Variants in CSMD2 observed in about 807,000 individuals in gnomAD.
CSMD2 encodes CUB and Sushi multiple domains 2, also known as CUB and sushi domain-containing protein 2.
CSMD2 carries 130 observed loss-of-function variants against 398.5 expected under a neutral mutation model. The ratio of observed to expected loss-of-function variants is 0.33; its 90% CI spans 0.28 to 0.38. The LOEUF (loss-of-function observed/expected upper bound fraction) is 0.38, where lower values mean the gene tolerates loss of function less well. Ranked by LOEUF, CSMD2 falls within the 10% of genes least tolerant of loss-of-function variation. The probability of loss-of-function intolerance (pLI) is 1.00; values close to 1 mark genes in which losing one functional copy is unlikely to be tolerated. For missense variants in CSMD2, 3,829 were observed against 4,764.9 expected, an observed-to-expected ratio of 0.80 and a Z score of 5.78; for synonymous variants, 1,828 against 1,908.5, an observed-to-expected ratio of 0.96 and a Z score of 1.10.
chr1:33,952,513 C>T (rs1244560650), intron 3 of CSMD2, among the ~76,000 whole-genome samples: 1 of 152,212 alleles, frequency 6.6e-6, no homozygotes, highest in African/African-American at 2.4e-5. Flanking sequence ...ACATTTAATC[C>T]AACCTCAGCT....
At chr1:34,027,373 T>C (rs985945998) in intron 3 of CSMD2, among the ~76,000 whole-genome samples, 1 of 152,226 alleles carries the variant, frequency 6.6e-6, no homozygotes, top group Non-Finnish European at 1.5e-5. Flanking sequence ...CTTGTAACAC[T>C]GGCAAGGTGG....
At chr1:33,699,948 T>C (rs1420721691) in intron 23 of CSMD2, among the ~76,000 whole-genome samples, 2 of 152,202 alleles carry the variant, frequency 1.3e-5, no homozygotes, top group African/African-American at 4.8e-5. Flanking sequence ...TGAGACTGGA[T>C]TCTTTCACTT....
At chr1:34,027,624 G>C (rs1340138021) in intron 3 of CSMD2, among the ~76,000 whole-genome samples, 2 of 152,190 alleles carry the variant, frequency 1.3e-5, no homozygotes, top group Non-Finnish European at 2.9e-5. Flanking sequence ...TATGGTATAT[G>C]CAAACCACAA....
intron 2 of CSMD2, among the ~76,000 whole-genome samples, chr1:34,066,995 C>T (rs1032360323): frequency 2.0e-5 from 3 of 152,132 alleles, no homozygotes; most frequent in Non-Finnish European, 2.9e-5. Context: ...GTCATGCCCT[C>T]GCAGATTCAT....
chr1:33,790,697 A>ATCATCTATCTG (rs1654157310), intron 11 of CSMD2, among the ~76,000 whole-genome samples: 1 of 130,502 alleles, frequency 7.7e-6, no homozygotes, highest in Non-Finnish European at 1.6e-5. Context: ...CTATCTATCT[A>ATCATCTATCTG]TCTATCATCT....
intron 13 of CSMD2, among the ~76,000 whole-genome samples, chr1:33,768,881 C>A (rs1650900299): frequency 6.6e-6 from 1 of 152,180 alleles, no homozygotes; most frequent in Non-Finnish European, 1.5e-5. Flanking sequence ...ATATACTATA[C>A]ACATTAAGAA....
intron 56 of CSMD2, among the ~76,000 whole-genome samples, chr1:33,548,930 G>T (rs1657162556): frequency 6.6e-6 from 1 of 152,158 alleles, no homozygotes; most frequent in Non-Finnish European, 1.5e-5. Context: ...GAGTCATCAT[G>T]GCTCCTATAT....
At chr1:33,529,099 T>C (rs1401210470) in intron 64 of CSMD2, among the ~76,000 whole-genome samples, 1 of 152,246 alleles carries the variant, frequency 6.6e-6, no homozygotes, top group Non-Finnish European at 1.5e-5. Context: ...CAAAGTTGGA[T>C]AATTGATACG....
chr1:33,557,020 G>T (rs1191186503), intron 55 of CSMD2, among the ~76,000 whole-genome samples: 1 of 152,084 alleles, frequency 6.6e-6, no homozygotes. Context: ...AATACATCAG[G>T]ATTCTGAGCA....
intron 9 of CSMD2, 143 bp from the exon 10 acceptor site, chr1:33,811,007 A>C: frequency 1.1e-6 from 1 of 882,382 alleles, no homozygotes; most frequent in Non-Finnish European, 1.7e-6. Flanking sequence ...TCCTTCCTCT[A>C]CAGTTCTTGG....
chr1:33,577,038 C>T (rs936488626), intron 49 of CSMD2, among the ~76,000 whole-genome samples: 1 of 152,152 alleles, frequency 6.6e-6, no homozygotes, highest in Non-Finnish European at 1.5e-5. Context: ...CTCTGGGCTC[C>T]CACAACACTG....
chr1:34,094,355 G>A (rs1441877193), intron 1 of CSMD2, among the ~76,000 whole-genome samples: 1 of 151,092 alleles, frequency 6.6e-6, no homozygotes, highest in Non-Finnish European at 1.5e-5. Flanking sequence ...ATCAACTAAC[G>A]AGCAAAATAA....
intron 4 of CSMD2, 77 bp from the exon 5 acceptor site, chr1:33,918,378 C>T: frequency 8.9e-7 from 1 of 1,122,200 alleles, no homozygotes. Flanking sequence ...GCTATACCTG[C>T]AATACATCCT....
chr1:33,634,991 G>T (rs757282168), intron 31 of CSMD2, among the ~76,000 whole-genome samples: 9 of 152,092 alleles, frequency 5.9e-5, no homozygotes, highest in Non-Finnish European at 1.3e-4. Context: ...CTGTCCCCTT[G>T]GTTCTGGCGG....
chr1:34,054,504 G>A (rs1022562050), intron 2 of CSMD2, among the ~76,000 whole-genome samples: 1 of 152,084 alleles, frequency 6.6e-6, no homozygotes, highest in African/African-American at 2.4e-5. Context: ...GGCAGATCAC[G>A]AGGTCAGGAG....
chr1:33,966,918 T>C (rs1456799075), intron 3 of CSMD2, among the ~76,000 whole-genome samples: 1 of 152,150 alleles, frequency 6.6e-6, no homozygotes, highest in Non-Finnish European at 1.5e-5. Context: ...AACATTTCCA[T>C]AAAGCACCAG....
chr1:33,651,515 G>A (rs577899402), intron 28 of CSMD2, among the ~76,000 whole-genome samples: 1 of 152,218 alleles, frequency 6.6e-6, no homozygotes, highest in Non-Finnish European at 1.5e-5. Flanking sequence ...GGAGAGTGGA[G>A]ACAGGAATGA....
At chr1:33,820,583 A>AAC in intron 7 of CSMD2, 27 bp from the exon 8 acceptor site, 1 of 1,145,956 alleles carries the variant, frequency 8.7e-7, no homozygotes, top group East Asian at 2.4e-5. Context: ...AAAAAAAAAA[A>AAC]AAAAACAGCA....
At chr1:33,711,464 A>G (rs1228652365) in intron 21 of CSMD2, among the ~76,000 whole-genome samples, 1 of 152,218 alleles carries the variant, frequency 6.6e-6, no homozygotes, top group Non-Finnish European at 1.5e-5. Flanking sequence ...ATGAGATTTT[A>G]TATATAAGAT....
Sources: gnomAD v4.1 joint callset for allele counts (sites outside exome capture counted in the v4.1 genomes callset) on GRCh38, gnomAD v4.1.1 for gene constraint, MANE v1.5 for transcripts, NCBI Gene and HGNC (gene_info 2026-07-23, HGNC 2026-07-21) for gene names.